Variants in ANKS1B observed in about 807,000 individuals in gnomAD.
The protein encoded by ANKS1B is ankyrin repeat and sterile alpha motif domain-containing protein 1B.
ANKS1B carries 36 observed loss-of-function variants against 148.3 expected under a neutral mutation model. That is an observed-to-expected ratio of 0.24 (90% confidence interval 0.19 to 0.32). The LOEUF (loss-of-function observed/expected upper bound fraction) is 0.32. Among genes scored for constraint, ANKS1B ranks in the 10% least tolerant of loss-of-function variants. The pLI is 1.00. For missense variants in ANKS1B, 1,157 were observed against 1,542.6 expected (o/e 0.75, Z 4.19); for synonymous variants, 542 against 560.8 (o/e 0.97, Z 0.47).
chr12:99,738,990 A>C (rs535707447), intron 8 of ANKS1B, among the ~76,000 whole-genome samples: 2 of 152,102 alleles, frequency 1.3e-5, no homozygotes, highest in South Asian at 4.2e-4. Context: ...GTGGAATATT[A>C]AGTCCTCTAG....
intron 16 of ANKS1B, among the ~76,000 whole-genome samples, chr12:99,081,559 T>G (rs948312670): frequency 3.3e-5 from 5 of 152,158 alleles, no homozygotes; most frequent in African/African-American, 1.2e-4. Context: ...ATTACAACAT[T>G]CTATTTGTGC....
intron 14 of ANKS1B, among the ~76,000 whole-genome samples, chr12:99,229,889 G>A (rs1015561984): frequency 6.6e-6 from 1 of 151,988 alleles, no homozygotes; most frequent in Non-Finnish European, 1.5e-5. Context: ...TGTGCAAGGG[G>A]TATATTCTAT....
intron 17 of ANKS1B, among the ~76,000 whole-genome samples, chr12:98,985,017 A>C (rs1568192092): frequency 6.6e-6 from 1 of 152,218 alleles, no homozygotes; most frequent in Admixed American, 6.6e-5. Context: ...TCAATCAATC[A>C]ATGAATAGAT....
In ANKS1B at chr12:99,081,102, C is replaced by T. The variant is rs370831481; in HGVS notation, c.2625+3823G>A. ...ATGTAGTTGAGAAGATGTAAATCTT[C>T]GCATTGGTGAATATTTCAGTATTAA... On this transcript the variant is annotated intron_variant, in intron 16 of 26. Coordinates refer to ENST00000683438, the MANE Select transcript of ANKS1B (RefSeq NM_001352186.2). Among the ~76,000 whole-genome samples, 27 of 152,140 alleles carry T rather than the reference C, an allele frequency of 1.8e-4. No homozygotes were observed. The South Asian group carries it at 5.2e-3, about 29-fold the overall frequency.
chr12:99,297,255 C>A (rs1485773825), intron 12 of ANKS1B, among the ~76,000 whole-genome samples: 1 of 152,130 alleles, frequency 6.6e-6, no homozygotes, highest in African/African-American at 2.4e-5. Context: ...TTAAAACATA[C>A]TTCATTTTTG....
chr12:99,043,130 C>A (rs2099960173), intron 17 of ANKS1B, among the ~76,000 whole-genome samples: 1 of 152,042 alleles, frequency 6.6e-6, no homozygotes, highest in Non-Finnish European at 1.5e-5. Context: ...CAACTCTATG[C>A]AGTATTTTTT....
chr12:98,738,483 G>A (rs1465822058), intron 9 of ANKS1B, among the ~76,000 whole-genome samples: 1 of 152,182 alleles, frequency 6.6e-6, no homozygotes, highest in Non-Finnish European at 1.5e-5. Flanking sequence ...AGGAGCACAC[G>A]TTCGCATTCA....
intron 12 of ANKS1B, among the ~76,000 whole-genome samples, chr12:99,322,918 T>C (rs758581623): frequency 5.3e-5 from 8 of 152,166 alleles, no homozygotes; most frequent in Non-Finnish European, 1.0e-4. Flanking sequence ...GTTCTTATTC[T>C]CTCTTGCCTG....
intron 19 of ANKS1B, among the ~76,000 whole-genome samples, chr12:98,825,856 A>T (rs2099244773): frequency 6.6e-6 from 1 of 152,212 alleles, no homozygotes; most frequent in Non-Finnish European, 1.5e-5. Flanking sequence ...ATTTCCACAT[A>T]ACTCAGAATT....
At chr12:99,291,851 C>T (rs1299898861) in intron 12 of ANKS1B, among the ~76,000 whole-genome samples, 1 of 152,182 alleles carries the variant, frequency 6.6e-6, no homozygotes, top group South Asian at 2.1e-4. Flanking sequence ...AAAAATAACA[C>T]CACACATCTA....
intron 1 of ANKS1B, among the ~76,000 whole-genome samples, chr12:99,943,821 A>C (rs1388244364): frequency 2.0e-5 from 3 of 151,890 alleles, no homozygotes; most frequent in African/African-American, 7.3e-5. Flanking sequence ...CTTTTTTTTA[A>C]ATTATACTTT....
chr12:99,352,784 CTCA>C (rs1193295554), intron 12 of ANKS1B, among the ~76,000 whole-genome samples: 1 of 72,922 alleles, frequency 1.4e-5, no homozygotes, highest in East Asian at 7.5e-4. Context: ...GTTCTCAGCT[CTCA>C]TTGGCAAATT....
chr12:99,105,336 G>C (rs2153687385), intron 15 of ANKS1B, among the ~76,000 whole-genome samples: 1 of 152,132 alleles, frequency 6.6e-6, no homozygotes, highest in Non-Finnish European at 1.5e-5. Context: ...ATAAGTTCCT[G>C]TGGGGCAGGA....
chr12:98,973,155 CT>C (rs1404390438), intron 17 of ANKS1B, among the ~76,000 whole-genome samples: 1 of 151,280 alleles, frequency 6.6e-6, no homozygotes, highest in Non-Finnish European at 1.5e-5. Flanking sequence ...TCTCTAAATC[CT>C]TTACAAAGAT....
intron 1 of ANKS1B, among the ~76,000 whole-genome samples, chr12:99,862,335 G>C (rs559015791): frequency 6.6e-6 from 1 of 152,102 alleles, no homozygotes; most frequent in African/African-American, 2.4e-5. Flanking sequence ...AACATCAAAG[G>C]CTTTTCAATA....
At chr12:99,640,472 T>C (rs919657557) in intron 9 of ANKS1B, among the ~76,000 whole-genome samples, 6 of 152,116 alleles carry the variant, frequency 3.9e-5, no homozygotes, top group Admixed American at 3.3e-4. Flanking sequence ...ATGTCATTAT[T>C]CTTGGAGTGT....
chr12:99,231,692 T>G (rs1319549120), intron 14 of ANKS1B, among the ~76,000 whole-genome samples: 1 of 152,064 alleles, frequency 6.6e-6, no homozygotes, highest in Non-Finnish European at 1.5e-5. Flanking sequence ...TGGGTGATAT[T>G]GCCACTTAGG....
At chr12:99,250,674 T>A (rs1206674139) in intron 12 of ANKS1B, among the ~76,000 whole-genome samples, 1 of 152,194 alleles carries the variant, frequency 6.6e-6, no homozygotes, top group Non-Finnish European at 1.5e-5. Context: ...GCCATTAAGT[T>A]TGGGAGGGTT....
At position 99,550,614 on chromosome 12, in the gene ANKS1B, A is replaced by G. The variant is rs538991191; in HGVS notation, c.1273-45973T>C. On this transcript the variant is annotated intron_variant, in intron 9 of 26. Transcript: ENST00000683438. ...ACTCCAGCCTGGGTGACAGAGTGAA[A>G]CTCTATCTCAAAAAAAAAAAAAAAT... is the stretch of plus-strand genomic sequence containing the variant. 5.0e-5 allele frequency among the ~76,000 whole-genome samples: 7 copies of G among 140,944 alleles called. No homozygotes were observed. In the East Asian group the frequency reaches 1.4e-3, roughly 29 times the overall value. The allele number at this position is 140,944 out of a possible 152,430, so 92.5% of individuals were successfully genotyped here. A position where few individuals can be genotyped will look rare whatever the true frequency, so the allele number is the denominator to read the frequency against.
Sources: allele counts gnomAD v4.1 joint callset (sites outside exome capture counted in the v4.1 genomes callset), GRCh38; gene constraint gnomAD v4.1.1; transcripts MANE v1.5; gene names NCBI Gene and HGNC (gene_info 2026-07-23, HGNC 2026-07-21).